The following GBX1 variants were observed in gnomAD, a reference collection of about 807,000 sequenced individuals.
The protein encoded by GBX1 is gastrulation brain homeobox 1, also known as homeobox protein GBX-1.
In GBX1, 9 loss-of-function variants were observed where a neutral mutation model predicts 22.9. That is an observed-to-expected ratio of 0.39 (90% confidence interval 0.24 to 0.69). The LOEUF (loss-of-function observed/expected upper bound fraction) is 0.69, where lower values mean the gene tolerates loss of function less well. GBX1 is among the 30% of genes least tolerant of loss of function. The pLI is 0.43. For missense variants in GBX1, 494 were observed against 509.2 expected (o/e 0.97, Z 0.29); for synonymous variants, 203 against 227.3 (o/e 0.89, Z 0.96).
chr7:151,148,960 C>G lies in GBX1; in HGVS notation c.721G>C (p.Gly241Arg). 1 of 1,614,098 alleles carries G rather than the reference C, an allele frequency of 6.2e-7. No individual in the cohort carries two copies. The highest frequency in any genetic ancestry group is 8.5e-7 in the Non-Finnish European group (1 of 1,180,024). Residue 241 changes from glycine (G) to arginine (R), a missense_variant, in exon 2 of 2, where the codon GGG (glycine) becomes CGG (arginine). Around this residue, in one of 3 missense-constraint regions of GBX1, gnomAD observed 365 missense variants for 340.4 expected, o/e 1.07. Transcript: ENST00000297537. The surrounding 1 kb of genome is among the most constrained non-coding windows in gnomAD (Gnocchi z 5.1). ...GGTGCCCCCTCCTCAGCTCCAGTCC[C>G]CAGGCTTCCCTTTAGCTTCGGTTTA... is the stretch of plus-strand genomic sequence containing the variant. ...GPKPKLKGSL[G>R]TGAEEGAPVT...
intron 1 of GBX1, among the ~76,000 whole-genome samples, chr7:151,153,165 G>A (rs148272436): frequency 1.8e-3 from 278 of 152,260 alleles, no homozygotes; most frequent in African/African-American, 6.4e-3. Flanking sequence ...GTCTAGAGAA[G>A]GGAGAGAGAA....
chr7:151,149,936 C>G (rs144875760), intron 1 of GBX1: 4 of 456,052 alleles, frequency 8.8e-6, no homozygotes, highest in Middle Eastern at 3.3e-4. Context: ...CTTTCCCCAG[C>G]CAAGGATGCC....
rs370046549 is a variant in GBX1, at chr7:151,167,085, G to A, written c.464C>T (p.Pro155Leu). 1.6e-5 allele frequency: 25 copies of A among 1,603,536 alleles called. No individual in the cohort carries two copies. Among genetic ancestry groups the A allele is most frequent in the African/African-American group, 4.1e-5 (3 of 73,096 alleles). Residue 155 changes from proline to leucine, a missense_variant, in exon 1 of 2, where the codon CCG (proline) becomes CTG (leucine). Pro to Leu is a moderately conservative substitution (Grantham distance 98). This residue lies in a region of GBX1 where 365 missense variants were observed against 340.4 expected (regional missense o/e 1.07). Coordinates refer to ENST00000297537, the MANE Select transcript of GBX1 (RefSeq NM_001098834.3). The surrounding 1 kb of genome is among the most constrained non-coding windows in gnomAD (Gnocchi z 5.9). ...EGGLEADELL[P>L]AREKVAEPPP... is the part of the protein sequence containing the mutation. ...GGGCTCTGCCACTTTCTCCCGGGCC[G>A]GCAGCAGCTCATCAGCTTCCAGCCC...
chr7:151,160,725 C>G (rs553762752), intron 1 of GBX1, among the ~76,000 whole-genome samples: 9 of 152,356 alleles, frequency 5.9e-5, no homozygotes, highest in African/African-American at 2.2e-4. Flanking sequence ...ATCACCCTTT[C>G]TCTCAATTAG....
At position 151,167,017 on chromosome 7, in the gene GBX1, G is replaced by T. The variant is rs372158178; in HGVS notation, c.532C>A (p.Leu178Met). Reference sequence around the variant, plus strand: ...GGTCGGCCCTAGCACTTACCGGGCAGACTTGGAAAAGTCTCTGAGAAGTGC... The same window carrying T: ...GGTCGGCCCTAGCACTTACCGGGCATACTTGGAAAAGTCTCTGAGAAGTGC... ...PPHFSETFPSLPAEGKVYSSD... is the reference protein window; with the variant it reads ...PPHFSETFPSMPAEGKVYSSD... The change falls in exon 1 of 2, where the codon CTG (leucine) becomes ATG (methionine). Residue 178 changes from leucine to methionine, a missense_variant. Physicochemically the swap from Leu to Met is conservative, Grantham distance 15 (BLOSUM62 2). Around this residue, in one of 3 missense-constraint regions of GBX1, gnomAD observed 365 missense variants for 340.4 expected, o/e 1.07. Transcript: ENST00000297537. The surrounding 1 kb of genome is among the most constrained non-coding windows in gnomAD (Gnocchi z 5.9). 6.2e-7 allele frequency: 1 copy of T among 1,604,292 alleles called. No homozygotes were observed. Among genetic ancestry groups the T allele is most frequent in the African/African-American group, 1.4e-5 (1 of 73,152 alleles).
In GBX1 at chr7:151,148,980, G is replaced by A. The variant is rs375529208; in HGVS notation, c.701C>T (p.Pro234Leu). The A allele has an allele frequency of 1.0e-4, 163 of 1,613,966 alleles. No homozygotes were observed. The East Asian group carries it at 1.3e-3, about 13-fold the overall frequency. Residue 234 changes from proline to leucine, a missense_variant, in exon 2 of 2, where the codon CCG becomes CTG. This residue lies in a region of GBX1 where 365 missense variants were observed against 340.4 expected (regional missense o/e 1.07). Coordinates refer to ENST00000297537, the MANE Select transcript of GBX1 (RefSeq NM_001098834.3). The surrounding 1 kb of genome is among the most constrained non-coding windows in gnomAD (Gnocchi z 5.1). ...AGTCCCCAGGCTTCCCTTTAGCTTCGGTTTAGGTCCCAGAAGAGCCCCTGG... is the reference window on the plus strand; with the variant it reads ...AGTCCCCAGGCTTCCCTTTAGCTTCAGTTTAGGTCCCAGAAGAGCCCCTGG... The part of the protein sequence containing the change: ...GGPGALLGPK[P>L]KLKGSLGTGA...
At position 151,148,733 on chromosome 7, in the gene GBX1, C is replaced by G. The variant is rs1801042547; in HGVS notation, c.948G>C (p.Trp316Cys). ...KIWFQNRRAK[W>C]KRIKAGNVSS... ...TCACATTGCCAGCTTTGATGCGCTT[C>G]CACTTGGCCCGTCGATTCTGAAACC... The change falls in exon 2 of 2, where the codon TGG becomes TGC. Residue 316 changes from tryptophan (W) to cysteine (C), a missense_variant. This residue lies in a region of GBX1 where 124 missense variants were observed against 152.0 expected (regional missense o/e 0.82). Transcript: ENST00000297537. This position sits in a 1 kb window ranked among gnomAD's most constrained non-coding sequence, Gnocchi z 5.1. The G allele has an allele frequency of 6.2e-7, 1 of 1,614,080 alleles. No homozygotes were observed. Among genetic ancestry groups the G allele is most frequent in the Non-Finnish European group, 8.5e-7 (1 of 1,180,048 alleles).
At chr7:151,154,462 T>C (rs554243872) in intron 1 of GBX1, among the ~76,000 whole-genome samples, 2 of 152,326 alleles carry the variant, frequency 1.3e-5, no homozygotes, top group African/African-American at 4.8e-5. Flanking sequence ...CTGTCCTTTA[T>C]GATGAGGATG....
intron 1 of GBX1, among the ~76,000 whole-genome samples, chr7:151,163,723 T>C (rs1428667864): frequency 6.6e-6 from 1 of 152,220 alleles, no homozygotes; most frequent in Non-Finnish European, 1.5e-5. Context: ...GGCTTGCATA[T>C]ATCTCTACTA....
intron 1 of GBX1, among the ~76,000 whole-genome samples, chr7:151,153,692 G>A (rs112650479): frequency 5.9e-5 from 9 of 152,068 alleles, no homozygotes; most frequent in East Asian, 3.9e-4. Flanking sequence ...GGCCATAGGC[G>A]CACACCACCA....
In GBX1 at chr7:151,166,289, G is replaced by A. The variant is rs951844327; in HGVS notation, c.538+722C>T. Among the ~76,000 whole-genome samples the A allele has an allele frequency of 3.3e-5, 5 of 152,210 alleles. No individual in the cohort carries two copies. The South Asian group carries it at 8.3e-4, about 25-fold the overall frequency. The stretch of plus-strand genomic sequence containing the variant: ...GTCAGCTGAATCTTAGCTGGGTTCT[G>A]CACCCTAGATCTTTGGGCCACACCC... On this transcript the variant is annotated intron_variant, in intron 1 of 1. Transcript: ENST00000297537.
intron 1 of GBX1, among the ~76,000 whole-genome samples, chr7:151,155,055 TATCA>T (rs1801118967): frequency 6.6e-6 from 1 of 152,208 alleles, no homozygotes; most frequent in Non-Finnish European, 1.5e-5. Context: ...CTCCTGCTGT[TATCA>T]CCGTAGGAAA....
chr7:151,149,892 C>T, intron 1 of GBX1: 5 of 455,976 alleles, frequency 1.1e-5, no homozygotes, highest in South Asian at 7.7e-5. Flanking sequence ...TTACCCTTGA[C>T]CTTAAAATGA....
chr7:151,159,738 AG>A (rs1337100504), intron 1 of GBX1, among the ~76,000 whole-genome samples: 1 of 152,258 alleles, frequency 6.6e-6, no homozygotes, highest in Non-Finnish European at 1.5e-5. Flanking sequence ...ACAATATAGA[AG>A]GCCAGGAACC....
chr7:151,151,517 T>C lies in GBX1; in HGVS notation c.539-2375A>G, dbSNP rs116009076. Among the ~76,000 whole-genome samples, 390 of 152,270 alleles carry C rather than the reference T, an allele frequency of 2.6e-3. 4 individuals carry two copies. Among genetic ancestry groups the C allele is most frequent in the African/African-American group, 8.8e-3 (366 of 41,550 alleles). ...GAACTCAAACTTAACATGCCCCAAA[T>C]TGAACTCCAATCAGATCATTCCCCC... is the stretch of plus-strand genomic sequence containing the variant. On this transcript the variant is annotated intron_variant, in intron 1 of 1. Coordinates refer to ENST00000297537, the MANE Select transcript of GBX1 (RefSeq NM_001098834.3).
chr7:151,156,417 CG>C (rs1801135924), intron 1 of GBX1, among the ~76,000 whole-genome samples: 1 of 48,892 alleles, frequency 2.0e-5, no homozygotes, highest in African/African-American at 7.7e-5. Flanking sequence ...AAAAAAAAAA[CG>C]AAAAAAAAGA....
At chr7:151,160,911 C>T (rs146063100) in intron 1 of GBX1, among the ~76,000 whole-genome samples, 4 of 152,332 alleles carry the variant, frequency 2.6e-5, no homozygotes, top group Admixed American at 6.5e-5. Context: ...CTGGTTCAGA[C>T]ACAAAGTTTC....
chr7:151,154,064 C>A (rs1247428573), intron 1 of GBX1, among the ~76,000 whole-genome samples: 1 of 152,050 alleles, frequency 6.6e-6, no homozygotes, highest in South Asian at 2.1e-4. Context: ...ATGGTGAAAC[C>A]CTGTCTCTAC....
In GBX1 at chr7:151,167,456, G is replaced by A. The variant is rs13242341; in HGVS notation, c.93C>T (p.Ile31=). The part of the protein sequence containing the change: ...PGTAFSIDSL[I]GPPPPRSGHL... ...GGCCGGAGCGCGGCGGCGGCGGCCCGATTAGGGAGTCGATGGAGAAGGCAG... is the reference window on the plus strand; with the variant it reads ...GGCCGGAGCGCGGCGGCGGCGGCCCAATTAGGGAGTCGATGGAGAAGGCAG... The change falls in exon 1 of 2, where the codon ATC becomes ATT. Residue 31 remains isoleucine, a synonymous_variant. Coordinates refer to ENST00000297537, the MANE Select transcript of GBX1 (RefSeq NM_001098834.3). The surrounding 1 kb of genome is among the most constrained non-coding windows in gnomAD (Gnocchi z 5.9). The A allele has an allele frequency of 1.3e-6, 2 of 1,514,000 alleles. No homozygotes were observed. Among genetic ancestry groups the A allele is most frequent in the Non-Finnish European group, 1.8e-6 (2 of 1,134,798 alleles). The allele number at this position is 1,514,000 out of a possible 1,614,324, so 93.8% of individuals were successfully genotyped here.
Sources: gnomAD v4.1 joint callset for allele counts (sites outside exome capture counted in the v4.1 genomes callset) on GRCh38, gnomAD v4.1.1 for gene constraint, gnomAD v4.1.1 regional missense constraint, Gnocchi (gnomAD v3.1) non-coding constraint, MANE v1.5 for transcripts, NCBI Gene and HGNC (gene_info 2026-07-23, HGNC 2026-07-21) for gene names.